Variants in DYNLT5 observed in about 807,000 individuals in gnomAD.
DYNLT5 encodes the protein dynein light chain Tctex-type family member 5.
A neutral mutation model predicts 19.3 loss-of-function variants in DYNLT5; 25 were observed. The observed-to-expected ratio is 1.30, with a 90% CI of 0.95 to 1.81. The LOEUF (loss-of-function observed/expected upper bound fraction) is 1.81. Ranked by LOEUF, DYNLT5 falls within the 40% of genes most tolerant of loss-of-function variation. DYNLT5 has a pLI of 0.00. For missense variants in DYNLT5, 232 were observed against 217.9 expected (o/e 1.06, Z -0.41); for synonymous variants, 82 against 68.9 (o/e 1.19, Z -0.94).
chr1:66,759,991 A>T (rs577036771), intron 2 of DYNLT5, among the ~76,000 whole-genome samples: 1 of 152,262 alleles, frequency 6.6e-6, no homozygotes, highest in South Asian at 2.1e-4. Context: ...AAGCATTTGC[A>T]TGTGCTGTTC....
intron 4 of DYNLT5, 81 bp downstream of exon 4, chr1:66,776,484 AG>A: frequency 1.3e-6 from 2 of 1,485,482 alleles, no homozygotes; most frequent in Non-Finnish European, 9.0e-7. Context: ...TTTTTTGATG[AG>A]GGGAATTAAT....
chr1:66,754,886 C>A, intron 2 of DYNLT5, 109 bp downstream of exon 2: 5 of 1,208,120 alleles, frequency 4.1e-6, no homozygotes, highest in South Asian at 2.0e-5. Flanking sequence ...ATAAAATGGG[C>A]AAGTACAAGG....
chr1:66,762,254 C>T (rs61441557), intron 2 of DYNLT5, among the ~76,000 whole-genome samples: 2,339 of 152,190 alleles, frequency 0.015, 62 homozygotes, highest in African/African-American at 0.053. Context: ...AATCAGATCA[C>T]GGTGATTAGC....
At chr1:66,771,710 C>A (rs11208953) in intron 3 of DYNLT5, among the ~76,000 whole-genome samples, 1 of 152,110 alleles carries the variant, frequency 6.6e-6, no homozygotes, top group Non-Finnish European at 1.5e-5. Flanking sequence ...CAGGTTTTCC[C>A]TCACTTGCAA....
At chr1:66,760,873 C>G (rs759547130) in intron 2 of DYNLT5, among the ~76,000 whole-genome samples, 18 of 152,202 alleles carry the variant, frequency 1.2e-4, no homozygotes, top group Non-Finnish European at 2.6e-4. Flanking sequence ...TAACTCTGAT[C>G]TTCTATCCAC....
chr1:66,777,512 G>A lies in DYNLT5; in HGVS notation c.*58G>A, dbSNP rs752731399. On this transcript the variant is annotated 3_prime_UTR_variant, in exon 5 of 5. Transcript: ENST00000282670. ...AAATTCTGAGGCAGGCTGTATGTCTGTACACAAAAGTTTTACTGCCAAAAA... is the reference window on the plus strand; with the variant it reads ...AAATTCTGAGGCAGGCTGTATGTCTATACACAAAAGTTTTACTGCCAAAAA... 6 of 1,466,846 alleles carry A rather than the reference G, an allele frequency of 4.1e-6. No individual in the cohort carries two copies. The highest frequency in any genetic ancestry group is 5.5e-6 in the Non-Finnish European group (6 of 1,084,274). The allele number at this position is 1,466,846 out of a possible 1,614,324, so 90.9% of individuals were successfully genotyped here. A position where few individuals can be genotyped will look rare whatever the true frequency, so the allele number is the denominator to read the frequency against.
rs571342903 is a variant in DYNLT5 at position 66,777,359 on chromosome 1, C to T, written c.445C>T (p.Leu149Phe). The change falls in exon 5 of 5, where the codon CTC becomes TTC. Residue 149 changes from leucine (L) to phenylalanine (F), a missense_variant. By Grantham distance (22) the Leu-to-Phe change is conservative. Coordinates refer to ENST00000282670, the MANE Select transcript of DYNLT5 (RefSeq NM_152665.3). ...RQSILIGSRC[L>F]WDPKSDTFSS... ...GAGCATACTTATTGGAAGCAGATGC[C>T]TCTGGGATCCTAAAAGTGATACCTT... The T allele has an allele frequency of 1.3e-5, 21 of 1,613,878 alleles. No individual in the cohort carries two copies. The South Asian group carries it at 2.1e-4, about 16-fold the overall frequency.
intron 2 of DYNLT5, among the ~76,000 whole-genome samples, chr1:66,762,622 C>G (rs1557871359): frequency 6.6e-6 from 1 of 152,216 alleles, no homozygotes; most frequent in Non-Finnish European, 1.5e-5. Context: ...TCCTTTTCAA[C>G]TTACTTTGCC....
At chr1:66,774,385 TG>T (rs901655851) in intron 3 of DYNLT5, among the ~76,000 whole-genome samples, 54 of 138,064 alleles carry the variant, frequency 3.9e-4, no homozygotes, top group African/African-American at 1.4e-3. Flanking sequence ...CAGGAGATGA[TG>T]GGGAGATCTT....
At chr1:66,757,087 G>T (rs1005195532) in intron 2 of DYNLT5, among the ~76,000 whole-genome samples, 1 of 152,128 alleles carries the variant, frequency 6.6e-6, no homozygotes, top group African/African-American at 2.4e-5. Context: ...ACTATATTTG[G>T]TGATTTGCTT....
At chr1:66,767,125 C>T (rs745504943) in intron 2 of DYNLT5, among the ~76,000 whole-genome samples, 21 of 150,714 alleles carry the variant, frequency 1.4e-4, no homozygotes, top group Non-Finnish European at 2.5e-4. Flanking sequence ...CACATGTACC[C>T]CCTAACTTAA....
At chr1:66,761,463 G>T (rs1345320832) in intron 2 of DYNLT5, among the ~76,000 whole-genome samples, 1 of 152,202 alleles carries the variant, frequency 6.6e-6, no homozygotes, top group East Asian at 1.9e-4. Context: ...GTTGCTGAAG[G>T]TTGGGATAGC....
intron 1 of DYNLT5, 25 bp downstream of exon 1, chr1:66,752,609 C>T (rs1276405414): frequency 1.0e-6 from 1 of 984,216 alleles, no homozygotes; most frequent in Non-Finnish European, 1.2e-6. Flanking sequence ...CTCTGCAGCG[C>T]GTCTGGACCC....
At chr1:66,761,742 T>C (rs1283389977) in intron 2 of DYNLT5, among the ~76,000 whole-genome samples, 2 of 152,138 alleles carry the variant, frequency 1.3e-5, no homozygotes, top group South Asian at 2.1e-4. Context: ...CATACCACTA[T>C]ACTCCAGCCT....
At chr1:66,776,185 C>T in intron 3 of DYNLT5, 94 bp from the exon 4 acceptor site, 3 of 1,460,544 alleles carry the variant, frequency 2.1e-6, no homozygotes, top group Admixed American at 2.2e-5. Flanking sequence ...AGATTAAATC[C>T]CTCCATGTTT....
chr1:66,756,504 A>C (rs1471956833), intron 2 of DYNLT5, among the ~76,000 whole-genome samples: 3 of 152,244 alleles, frequency 2.0e-5, no homozygotes, highest in African/African-American at 7.2e-5. Context: ...TTATGGAAAA[A>C]CATATAACTT....
intron 2 of DYNLT5, among the ~76,000 whole-genome samples, chr1:66,762,363 CA>C (rs1223001306): frequency 2.6e-5 from 4 of 152,188 alleles, no homozygotes; most frequent in Non-Finnish European, 4.4e-5. Context: ...CATCTATGGT[CA>C]CCCTACAGTG....
Position 66,770,379 on chromosome 1 carries a change from G to A in DYNLT5, c.120-8G>A, listed in dbSNP as rs755497839. On this transcript the variant is annotated splice_polypyrimidine_tract_variant and splice_region_variant and intron_variant, in intron 2 of 4. Coordinates refer to ENST00000282670, the MANE Select transcript of DYNLT5 (RefSeq NM_152665.3). ...ATGACTAAAATTTGTTTTCTCCCTT[G>A]TTTTTAGTTCTATGAGTACTGTGTC... 6.3e-7 allele frequency: 1 copy of A among 1,595,326 alleles called. No individual in the cohort carries two copies. Among genetic ancestry groups the A allele is most frequent in the South Asian group, 1.1e-5 (1 of 89,284 alleles).
intron 2 of DYNLT5, among the ~76,000 whole-genome samples, chr1:66,767,343 C>A (rs939198199): frequency 6.6e-6 from 1 of 152,274 alleles, no homozygotes; most frequent in African/African-American, 2.4e-5. Context: ...CAACCTCTAC[C>A]TTCCTTTCGA....
Sources: gnomAD v4.1 joint callset for allele counts (sites outside exome capture counted in the v4.1 genomes callset) on GRCh38, gnomAD v4.1.1 for gene constraint, MANE v1.5 for transcripts, NCBI Gene and HGNC (gene_info 2026-07-23, HGNC 2026-07-21) for gene names.